The following TTC7B variants were observed in gnomAD, a reference collection of about 807,000 sequenced individuals.
TTC7B encodes tetratricopeptide repeat protein 7B.
In TTC7B, 28 loss-of-function variants were observed where a neutral mutation model predicts 106.8. That is an observed-to-expected ratio of 0.26 (90% CI 0.19 to 0.36). TTC7B has a LOEUF of 0.36. TTC7B is among the 10% of genes least tolerant of loss of function. TTC7B has a pLI of 1.00. For missense variants in TTC7B, 862 were observed against 1,076.4 expected (o/e 0.80, Z 2.79); for synonymous variants, 405 against 430.6 (o/e 0.94, Z 0.74).
chr14:90,756,482 C>T (rs980010581), intron 3 of TTC7B, among the ~76,000 whole-genome samples: 1 of 151,438 alleles, frequency 6.6e-6, no homozygotes, highest in Non-Finnish European at 1.5e-5. Flanking sequence ...CAACTTCCGC[C>T]TTCTGGGTTC....
chr14:90,552,729 G>C (rs926956326), intron 19 of TTC7B, among the ~76,000 whole-genome samples: 1 of 152,224 alleles, frequency 6.6e-6, no homozygotes, highest in African/African-American at 2.4e-5. Context: ...TCAGATGAAG[G>C]AGGAGAGCTC....
intron 2 of TTC7B, among the ~76,000 whole-genome samples, chr14:90,783,673 A>G (rs1891290000): frequency 6.6e-6 from 1 of 152,238 alleles, no homozygotes; most frequent in Admixed American, 6.5e-5. Flanking sequence ...GCAGTGGCTC[A>G]GGCCTGTAAT....
rs1274437006 is a variant in TTC7B at position 90,538,346 on chromosome 14, G to GGATGGATGGACAGACGGA, written c.*3021_*3022insTCCGTCTGTCCATCCATC. 6.6e-6 allele frequency: 1 copy of GGATGGATGGACAGACGGA among 152,232 alleles called. No homozygotes were observed. Among genetic ancestry groups the GGATGGATGGACAGACGGA allele is most frequent in the Non-Finnish European group, 1.5e-5 (1 of 68,086 alleles). 9.4% of individuals were successfully genotyped at this position (152,232 alleles called of 1,614,324 possible). Reference sequence around the variant, plus strand: ...TGGATGGATGGACGGATGGATGAATGTCCTTAGTTGGGAAAGGCTCAGCAG... The same window carrying GGATGGATGGACAGACGGA: ...TGGATGGATGGACGGATGGATGAATGGATGGATGGACAGACGGATCCTTAGTTGGGAAAGGCTCAGCAG... On this transcript the variant is annotated 3_prime_UTR_variant, in exon 20 of 20. Coordinates refer to ENST00000328459, the MANE Select transcript of TTC7B (RefSeq NM_001010854.2).
chr14:90,691,786 G>T lies in TTC7B; in HGVS notation c.778-2074C>A, dbSNP rs554228686. Among the ~76,000 whole-genome samples, 3 of 152,244 alleles carry T rather than the reference G, an allele frequency of 2.0e-5. No individual in the cohort carries two copies. The East Asian group carries it at 5.8e-4, about 29-fold the overall frequency. The stretch of plus-strand genomic sequence containing the variant: ...GCATTCAGGACACTCACAATGTTGT[G>T]CAACCATTAGCACTATCTAGTTCCA... On this transcript the variant is annotated intron_variant, in intron 6 of 19. Coordinates refer to ENST00000328459, the MANE Select transcript of TTC7B (RefSeq NM_001010854.2).
intron 19 of TTC7B, among the ~76,000 whole-genome samples, chr14:90,557,369 C>T (rs1890362492): frequency 6.6e-6 from 1 of 152,214 alleles, no homozygotes; most frequent in South Asian, 2.1e-4. Context: ...TCAACTGCCA[C>T]TTAGGCAGAG....
chr14:90,696,444 T>C (rs1218097479), intron 5 of TTC7B, among the ~76,000 whole-genome samples: 1 of 152,136 alleles, frequency 6.6e-6, no homozygotes, highest in African/African-American at 2.4e-5. Flanking sequence ...TTAGAACATA[T>C]CTCATCTTTC....
In TTC7B at chr14:90,657,148, G is replaced by T; in HGVS notation, c.1341+26C>A. 1 of 1,597,938 alleles carries T rather than the reference G, an allele frequency of 6.3e-7. No individual in the cohort carries two copies. Among genetic ancestry groups the T allele is most frequent in the Non-Finnish European group, 8.6e-7 (1 of 1,166,470 alleles). ...TCCTGGCCCAGAGTCCTCTGCAGGA[G>T]CGGGGAGGGGGGCGCCCCTACTCAC... On this transcript the variant is annotated intron_variant, in intron 11 of 19. Coordinates refer to ENST00000328459, the MANE Select transcript of TTC7B (RefSeq NM_001010854.2). The surrounding 1 kb of genome is among the most constrained non-coding windows in gnomAD (Gnocchi z 4.2).
chr14:90,594,214 T>C (rs980211644), intron 17 of TTC7B, among the ~76,000 whole-genome samples: 5 of 152,302 alleles, frequency 3.3e-5, no homozygotes, highest in Admixed American at 6.5e-5. Context: ...TAAGCAGATG[T>C]CTATCCTTAA....
In TTC7B at chr14:90,654,924, A is replaced by T. The variant is rs183567225; in HGVS notation, c.1459+69T>A. 1.3e-3 allele frequency: 1,633 copies of T among 1,224,038 alleles called. 3 individuals carry two copies. The highest frequency in any genetic ancestry group is 2.1e-3 in the Admixed American group (121 of 57,810). 75.8% of individuals were successfully genotyped at this position (1,224,038 alleles called of 1,614,324 possible). On this transcript the variant is annotated intron_variant, in intron 12 of 19. Transcript: ENST00000328459. ...CCTGAGACAGAAGGGGACTGTGGGA[A>T]TCCCGCAGGGTAGACTTAGGTAGTC...
At chr14:90,655,829 G>GA (rs1885925383) in intron 11 of TTC7B, among the ~76,000 whole-genome samples, 1 of 151,854 alleles carries the variant, frequency 6.6e-6, no homozygotes, top group Non-Finnish European at 1.5e-5. Flanking sequence ...AAAAATGCAA[G>GA]AAAAAATATA....
rs1339411535 is a variant in TTC7B at position 90,527,242 on chromosome 14, G to T, written c.*14126C>A. On this transcript the variant is annotated 3_prime_UTR_variant, in exon 20 of 20. Coordinates refer to ENST00000328459, the MANE Select transcript of TTC7B (RefSeq NM_001010854.2). ...CATTGACTGGTGAAGGTGATGTCCT[G>T]CCAGGTTTCTCTGTGGTAATGTTAC... 6.6e-6 allele frequency: 1 copy of T among 151,982 alleles called. No homozygotes were observed. The highest frequency in any genetic ancestry group is 1.5e-5 in the Non-Finnish European group (1 of 68,024). 9.4% of individuals were successfully genotyped at this position (151,982 alleles called of 1,614,324 possible).
At chr14:90,734,453 G>A (rs1889442664) in intron 4 of TTC7B, among the ~76,000 whole-genome samples, 4 of 150,030 alleles carry the variant, frequency 2.7e-5, no homozygotes, top group South Asian at 4.2e-4. Flanking sequence ...AGGAAACAAC[G>A]ACAAAAATCA....
chr14:90,599,843 A>C (rs1343439029), intron 17 of TTC7B, among the ~76,000 whole-genome samples: 1 of 152,042 alleles, frequency 6.6e-6, no homozygotes, highest in Non-Finnish European at 1.5e-5. Flanking sequence ...CAGCAGTTCC[A>C]TCTCTTAAAG....
chr14:90,801,538 A>C lies in TTC7B; in HGVS notation c.121+14637T>G, dbSNP rs139040461. Among the ~76,000 whole-genome samples, 596 of 152,278 alleles carry C rather than the reference A, an allele frequency of 3.9e-3. 7 individuals carry two copies. Among genetic ancestry groups the C allele is most frequent in the African/African-American group, 0.014 (566 of 41,562 alleles). On this transcript the variant is annotated intron_variant, in intron 1 of 19. Coordinates refer to ENST00000328459, the MANE Select transcript of TTC7B (RefSeq NM_001010854.2). ...GATAGCACAATGGAGCGGAGAGTGG[A>C]GCCATTTTACCATTTACTGAGGTGA...
At position 90,529,292 on chromosome 14, in the gene TTC7B, C is replaced by T. The variant is rs1889226562; in HGVS notation, c.*12076G>A. ...TGTCAGGGAGAGGCCGTAGCCCTCA[C>T]CACCGCTAATGACTGGCTACCACAC... On this transcript the variant is annotated 3_prime_UTR_variant, in exon 20 of 20. Coordinates refer to ENST00000328459, the MANE Select transcript of TTC7B (RefSeq NM_001010854.2). 6.6e-6 allele frequency: 1 copy of T among 152,520 alleles called. No homozygotes were observed. Among genetic ancestry groups the T allele is most frequent in the Non-Finnish European group, 1.5e-5 (1 of 68,240 alleles). The allele number at this position is 152,520 out of a possible 1,614,324, so 9.4% of individuals were successfully genotyped here.
intron 5 of TTC7B, among the ~76,000 whole-genome samples, chr14:90,726,473 C>T (rs1400831064): frequency 2.6e-5 from 4 of 152,190 alleles, no homozygotes; most frequent in Non-Finnish European, 2.9e-5. Flanking sequence ...GCAACCAGGA[C>T]GTGACCTGAA....
At position 90,750,461 on chromosome 14, in the gene TTC7B, A is replaced by G. The variant is rs201624110; in HGVS notation, c.446-5539T>C. ...AAGCCAGTGAATCAAAGAAAGGCCA[A>G]ATCCAGTTCAACATAATTTTACTAT... On this transcript the variant is annotated intron_variant, in intron 3 of 19. Coordinates refer to ENST00000328459, the MANE Select transcript of TTC7B (RefSeq NM_001010854.2). 2.0e-4 allele frequency among the ~76,000 whole-genome samples: 31 copies of G among 152,356 alleles called. No homozygotes were observed. In the East Asian group the frequency reaches 5.8e-3, roughly 28 times the overall value.
chr14:90,714,522 TC>T (rs1341817640), intron 5 of TTC7B, among the ~76,000 whole-genome samples: 1 of 151,338 alleles, frequency 6.6e-6, no homozygotes, highest in African/African-American at 2.4e-5. Context: ...AATGGCGCAA[TC>T]TTGGCTCACT....
chr14:90,789,895 CAAAA>C (rs1325409536), intron 1 of TTC7B, among the ~76,000 whole-genome samples: 1 of 113,156 alleles, frequency 8.8e-6, no homozygotes, highest in Admixed American at 9.0e-5. Flanking sequence ...GACTCTGTCT[CAAAA>C]AAAAAAAAAA....
Sources: gnomAD v4.1 joint callset for allele counts (sites outside exome capture counted in the v4.1 genomes callset) on GRCh38, gnomAD v4.1.1 for gene constraint, Gnocchi (gnomAD v3.1) non-coding constraint, MANE v1.5 for transcripts, NCBI Gene and HGNC (gene_info 2026-07-23, HGNC 2026-07-21) for gene names.